The following CAMK2D variants were observed in gnomAD, a reference collection of about 807,000 sequenced individuals.
CAMK2D encodes the protein calcium/calmodulin dependent protein kinase II delta.
Under a neutral mutation model 84.0 loss-of-function variants are expected in CAMK2D, and 37 were observed. That is an observed-to-expected ratio of 0.44 (90% CI 0.34 to 0.58). The LOEUF is 0.58. CAMK2D is among the 20% of genes least tolerant of loss of function. CAMK2D has a pLI of 0.02. For missense variants in CAMK2D, 448 were observed against 652.5 expected, an observed-to-expected ratio of 0.69 and a Z score of 3.41; for synonymous variants, 202 against 212.5, an observed-to-expected ratio of 0.95 and a Z score of 0.43.
chr4:113,676,413 C>CT (rs759514004), intron 2 of CAMK2D, among the ~76,000 whole-genome samples: 16 of 151,912 alleles, frequency 1.1e-4, no homozygotes, highest in Non-Finnish European at 1.8e-4. Flanking sequence ...CCTAGAGTGG[C>CT]TTTTTTTTCA....
chr4:113,729,697 C>A (rs2099557095), intron 2 of CAMK2D, among the ~76,000 whole-genome samples: 1 of 152,146 alleles, frequency 6.6e-6, no homozygotes. Flanking sequence ...ATGTTAAATC[C>A]TAATGCCCAA....
intron 3 of CAMK2D, among the ~76,000 whole-genome samples, chr4:113,632,498 C>T (rs2099093847): frequency 6.6e-6 from 1 of 151,898 alleles, no homozygotes; most frequent in South Asian, 2.1e-4. Context: ...GCTTGGATTA[C>T]AGGTGTGAGC....
intron 3 of CAMK2D, among the ~76,000 whole-genome samples, chr4:113,647,850 T>G (rs1002720684): frequency 4.6e-5 from 7 of 152,176 alleles, no homozygotes; most frequent in Non-Finnish European, 8.8e-5. Context: ...ATAAGAAATA[T>G]CAAAAGAAAA....
rs546271843 is a variant in CAMK2D, at chr4:113,517,801, A to T, written c.602-144T>A. The T allele has an allele frequency of 7.4e-6, 4 of 538,810 alleles. No individual in the cohort carries two copies. The African/African-American group carries it at 7.5e-5, about 10-fold the overall frequency. 33.4% of individuals were successfully genotyped at this position (538,810 alleles called of 1,614,324 possible). ...GAAAACTTCAGAAAGATGTGTTATG[A>T]TCTAGTCTAGAGCAGTCTCTGGAGG... On this transcript the variant is annotated intron_variant, in intron 8 of 20. Transcript: ENST00000511664.
intron 16 of CAMK2D, among the ~76,000 whole-genome samples, chr4:113,484,344 G>A (rs1360097222): frequency 1.3e-5 from 2 of 152,094 alleles, no homozygotes; most frequent in Admixed American, 6.5e-5. Context: ...CTAAGAATGA[G>A]TCTAGATCCC....
intron 16 of CAMK2D, among the ~76,000 whole-genome samples, chr4:113,493,568 C>G (rs902759135): frequency 1.3e-4 from 20 of 151,950 alleles, no homozygotes; most frequent in Non-Finnish European, 2.5e-4. Flanking sequence ...CTCTGGCTGC[C>G]CTTAACATTT....
At chr4:113,626,668 A>G (rs1398354036) in intron 3 of CAMK2D, among the ~76,000 whole-genome samples, 1 of 152,184 alleles carries the variant, frequency 6.6e-6, no homozygotes, top group Non-Finnish European at 1.5e-5. Flanking sequence ...TTGCTCTCCA[A>G]TCTTGGCAAA....
Position 113,718,709 on chromosome 4 carries a change from G to A in CAMK2D, c.160+40611C>T, listed in dbSNP as rs1463027934. ...CTAAACTATAAACTAAGTTCCTCCC[G>A]AAGTTAGTTCGGCCTATGCCCAGGG... On this transcript the variant is annotated intron_variant, in intron 2 of 20. Transcript: ENST00000511664. Among the ~76,000 whole-genome samples, 13 of 152,270 alleles carry A rather than the reference G, an allele frequency of 8.5e-5. No homozygotes were observed. In the South Asian group the frequency reaches 2.5e-3, roughly 29 times the overall value.
chr4:113,456,726 C>T (rs2097308251), intron 19 of CAMK2D: 1 of 152,322 alleles, frequency 6.6e-6, no homozygotes, highest in Non-Finnish European at 1.5e-5. Context: ...AATGAGAATA[C>T]ATGTTTCTTG....
intron 2 of CAMK2D, among the ~76,000 whole-genome samples, chr4:113,711,664 G>A (rs1325537258): frequency 6.6e-6 from 1 of 152,064 alleles, no homozygotes; most frequent in East Asian, 1.9e-4. Context: ...AATGATCTAG[G>A]AATTTACTTA....
intron 3 of CAMK2D, among the ~76,000 whole-genome samples, chr4:113,635,214 AG>A (rs2099105468): frequency 6.6e-6 from 1 of 152,216 alleles, no homozygotes; most frequent in South Asian, 2.1e-4. Context: ...CCTGGTAAAC[AG>A]GGTGTCCAAG....
rs1590893543 is a variant in CAMK2D, at chr4:113,537,381, G to A, written c.477C>T (p.Gly159=). The A allele has an allele frequency of 1.2e-6, 2 of 1,612,962 alleles. No homozygotes were observed. The highest frequency in any genetic ancestry group is 1.3e-5 in the African/African-American group (1 of 74,982). ...GGTCCCCTTGAACTTCTATGGCTAA[G>A]CCAAAGTCTGCCAATTTCACAGCTG... ...KGAAVKLADF[G]LAIEVQGDQQ... is the part of the protein sequence containing the mutation. The change falls in exon 7 of 21, where the codon GGC becomes GGT. Residue 159 remains glycine (G), a synonymous_variant. Coordinates refer to ENST00000511664, the MANE Select transcript of CAMK2D (RefSeq NM_001321571.2).
At chr4:113,552,723 C>G (rs538892074) in intron 4 of CAMK2D, among the ~76,000 whole-genome samples, 2 of 152,106 alleles carry the variant, frequency 1.3e-5, no homozygotes, top group African/African-American at 4.8e-5. Context: ...TACATACATG[C>G]GTGCACACAC....
intron 3 of CAMK2D, among the ~76,000 whole-genome samples, chr4:113,656,354 A>G (rs186450672): frequency 2.5e-3 from 374 of 152,278 alleles, no homozygotes; most frequent in Non-Finnish European, 3.7e-3. Flanking sequence ...ACCACACCAA[A>G]GAGAGAACCA....
At chr4:113,560,897 A>T (rs1043189708) in intron 4 of CAMK2D, among the ~76,000 whole-genome samples, 4 of 152,224 alleles carry the variant, frequency 2.6e-5, no homozygotes, top group African/African-American at 9.6e-5. Flanking sequence ...AGGAAAAAAT[A>T]GTCTCATAAA....
intron 18 of CAMK2D, among the ~76,000 whole-genome samples, chr4:113,459,205 C>T (rs931169596): frequency 1.3e-4 from 20 of 151,970 alleles, no homozygotes; most frequent in African/African-American, 4.8e-4. Context: ...ATTTTTTCCT[C>T]CTATTTTTTC....
At chr4:113,677,207 T>C (rs929889400) in intron 2 of CAMK2D, among the ~76,000 whole-genome samples, 5 of 152,194 alleles carry the variant, frequency 3.3e-5, no homozygotes, top group South Asian at 2.1e-4. Flanking sequence ...CTCCCTACCA[T>C]TGGCTCACAT....
intron 2 of CAMK2D, among the ~76,000 whole-genome samples, chr4:113,683,315 CTG>C (rs1286003556): frequency 2.0e-5 from 3 of 152,162 alleles, no homozygotes; most frequent in Non-Finnish European, 2.9e-5. Flanking sequence ...GCACAGGAAA[CTG>C]TGACTGAAAA....
intron 2 of CAMK2D, among the ~76,000 whole-genome samples, chr4:113,663,582 C>T (rs2099244662): frequency 1.7e-5 from 2 of 116,944 alleles, no homozygotes; most frequent in South Asian, 4.8e-4. Flanking sequence ...GCGGGAGGCT[C>T]TGTCTAAAAA....
Sources: gnomAD v4.1 joint callset for allele counts (sites outside exome capture counted in the v4.1 genomes callset) on GRCh38, gnomAD v4.1.1 for gene constraint, MANE v1.5 for transcripts, NCBI Gene and HGNC (gene_info 2026-07-23, HGNC 2026-07-21) for gene names.